The following LASP1 variants were observed in gnomAD, a reference collection of about 807,000 sequenced individuals.
LASP1 encodes LIM and SH3 protein 1, also known as LIM and SH3 domain protein 1.
In LASP1, 10 loss-of-function variants were observed where a neutral mutation model predicts 38.6. The ratio of observed to expected loss-of-function variants is 0.26; its 90% CI spans 0.16 to 0.44. The LOEUF (loss-of-function observed/expected upper bound fraction) is 0.44. Ranked by LOEUF, LASP1 falls within the 20% of genes least tolerant of loss-of-function variation. The pLI is 1.00. For synonymous variants in LASP1, 132 were observed against 140.8 expected (o/e 0.94, Z 0.44); for missense variants, 243 against 375.7 (o/e 0.65, Z 2.92).
At position 38,918,457 on chromosome 17, in the gene LASP1, AGAATCTTT is replaced by A; in HGVS notation, c.613-146_613-139del. On this transcript the variant is annotated intron_variant, in intron 6 of 6. Coordinates refer to ENST00000318008, the MANE Select transcript of LASP1 (RefSeq NM_006148.4). The surrounding 1 kb of genome is among the most constrained non-coding windows in gnomAD (Gnocchi z 4.4). The stretch of plus-strand genomic sequence containing the variant: ...CTCAGAAAGCAAGACACAGAGGTTA[AGAATCTTT>A]GCAGCAGAGCCTGGTGCTCCATTTC... 2.5e-6 allele frequency: 2 copies of A among 803,140 alleles called. No individual in the cohort carries two copies. The highest frequency in any genetic ancestry group is 3.4e-5 in the South Asian group (2 of 58,304). 49.8% of individuals were successfully genotyped at this position (803,140 alleles called of 1,614,324 possible). A position where few individuals can be genotyped will look rare whatever the true frequency, so the allele number is the denominator to read the frequency against.
chr17:38,890,599 T>C, intron 3 of LASP1, 95 bp downstream of exon 3: 2 of 1,120,310 alleles, frequency 1.8e-6, no homozygotes, highest in Non-Finnish European at 2.7e-6. Flanking sequence ...TCCCCTGCGG[T>C]TACTCTGCAA....
chr17:38,901,035 C>T (rs947661762), intron 4 of LASP1, among the ~76,000 whole-genome samples: 8 of 152,192 alleles, frequency 5.3e-5, no homozygotes, highest in South Asian at 2.1e-4. Context: ...ACTGGAATGT[C>T]GGCTCTTCAG....
chr17:38,890,721 G>C (rs1036410983), intron 3 of LASP1, among the ~76,000 whole-genome samples: 1 of 152,140 alleles, frequency 6.6e-6, no homozygotes, highest in African/African-American at 2.4e-5. Flanking sequence ...GGGTTGGAGA[G>C]GTGTGGGTGT....
chr17:38,900,470 C>T (rs943777980), intron 4 of LASP1, among the ~76,000 whole-genome samples: 10 of 151,296 alleles, frequency 6.6e-5, no homozygotes, highest in Admixed American at 2.0e-4. Flanking sequence ...GTCAAGAGAT[C>T]GAGACCATCC....
intron 2 of LASP1, among the ~76,000 whole-genome samples, chr17:38,887,516 C>T (rs1450843869): frequency 2.0e-5 from 3 of 152,224 alleles, no homozygotes; most frequent in African/African-American, 7.2e-5. Flanking sequence ...GCCACGTATT[C>T]ATCACAGGCC....
chr17:38,882,767 C>T (rs1449740281), intron 2 of LASP1, among the ~76,000 whole-genome samples: 1 of 152,194 alleles, frequency 6.6e-6, no homozygotes, highest in Non-Finnish European at 1.5e-5. Flanking sequence ...TAGGGCCCTA[C>T]TGACAGGAGG....
At chr17:38,878,037 T>C (rs544827818) in intron 1 of LASP1, 49 bp from the exon 2 acceptor site, 2 of 1,450,326 alleles carry the variant, frequency 1.4e-6, no homozygotes, top group African/African-American at 2.8e-5. Context: ...TGAGCCCCTT[T>C]TTCAGAAGTC....
chr17:38,906,885 A>G (rs1461290359), intron 4 of LASP1, among the ~76,000 whole-genome samples: 1 of 152,174 alleles, frequency 6.6e-6, no homozygotes, highest in Non-Finnish European at 1.5e-5. Flanking sequence ...TCATGGGCAC[A>G]GGTAGAGTGT....
chr17:38,896,924 C>A (rs1914506197), intron 3 of LASP1: 2 of 985,268 alleles, frequency 2.0e-6, no homozygotes, highest in Non-Finnish European at 2.4e-6. Context: ...AGGCCAGGGG[C>A]TTGAGATGCA....
intron 3 of LASP1, among the ~76,000 whole-genome samples, chr17:38,895,591 C>T (rs1158709289): frequency 6.6e-6 from 1 of 152,168 alleles, no homozygotes; most frequent in African/African-American, 2.4e-5. Context: ...GGTGGGATTA[C>T]AGGCGTGAGC....
chr17:38,901,019 C>T (rs992048789), intron 4 of LASP1, among the ~76,000 whole-genome samples: 1 of 152,242 alleles, frequency 6.6e-6, no homozygotes, highest in Non-Finnish European at 1.5e-5. Flanking sequence ...CGGAATGGTT[C>T]ACAGAACTGG....
At chr17:38,900,365 G>A (rs1384540866) in intron 4 of LASP1, among the ~76,000 whole-genome samples, 2 of 98,628 alleles carry the variant, frequency 2.0e-5, no homozygotes, top group African/African-American at 6.9e-5. Context: ...GGGAAACCGA[G>A]TGAGACCCTG....
At chr17:38,909,761 T>TCA (rs1914879181) in intron 4 of LASP1, among the ~76,000 whole-genome samples, 7 of 152,042 alleles carry the variant, frequency 4.6e-5, no homozygotes, top group South Asian at 2.1e-4. Flanking sequence ...ATTCATTCAT[T>TCA]TGTTTTGAGA....
At chr17:38,874,505 T>C (rs1913702734) in intron 1 of LASP1, among the ~76,000 whole-genome samples, 1 of 152,228 alleles carries the variant, frequency 6.6e-6, no homozygotes, top group Admixed American at 6.5e-5. Context: ...TGGAAGGAGC[T>C]GGTGGGTTTT....
rs1251058515 is a variant in LASP1 at position 38,919,545 on chromosome 17, G to A, written c.*767G>A. The A allele has an allele frequency of 8.1e-5, 20 of 246,434 alleles. No individual in the cohort carries two copies. Among genetic ancestry groups the A allele is most frequent in the African/African-American group, 3.9e-4 (18 of 45,752 alleles). 15.3% of individuals were successfully genotyped at this position (246,434 alleles called of 1,614,324 possible). A position where few individuals can be genotyped will look rare whatever the true frequency, so the allele number is the denominator to read the frequency against. The stretch of plus-strand genomic sequence containing the variant: ...GGAGGGGAACAAGGAGTTCTCTTCC[G>A]CAGCCCCTTTCCCCACGCCCACCCC... On this transcript the variant is annotated 3_prime_UTR_variant, in exon 7 of 7. Transcript: ENST00000318008.
chr17:38,910,459 T>C lies in LASP1; in HGVS notation c.358-3866T>C, dbSNP rs372835740. ...CCTCTTTTGGTTCTTCTTCCCCCCC[T>C]CCACCGCCCCCTGCCAAGCATTAAA... On this transcript the variant is annotated intron_variant, in intron 4 of 6. Transcript: ENST00000318008. Among the ~76,000 whole-genome samples the C allele has an allele frequency of 2.2e-3, 325 of 149,082 alleles. 2 individuals carry two copies. The highest frequency in any genetic ancestry group is 7.6e-3 in the African/African-American group (310 of 40,626).
In LASP1 at chr17:38,921,763, C is replaced by G. The variant is rs915095991; in HGVS notation, c.*2985C>G. Reference sequence around the variant, plus strand: ...GACTCAAATAAAAGTATAATTTTTACCTGCGGACTTGGTTTCCTCTCTGGC... The same window carrying G: ...GACTCAAATAAAAGTATAATTTTTAGCTGCGGACTTGGTTTCCTCTCTGGC... On this transcript the variant is annotated 3_prime_UTR_variant, in exon 7 of 7. Transcript: ENST00000318008. 9.2e-6 allele frequency: 2 copies of G among 217,706 alleles called. No individual in the cohort carries two copies. The highest frequency in any genetic ancestry group is 4.5e-5 in the African/African-American group (2 of 44,452). 13.5% of individuals were successfully genotyped at this position (217,706 alleles called of 1,614,324 possible).
At chr17:38,871,162 T>G (rs1008702845) in intron 1 of LASP1, among the ~76,000 whole-genome samples, 6 of 145,702 alleles carry the variant, frequency 4.1e-5, no homozygotes, top group Admixed American at 1.4e-4. Context: ...GAGGGGAGGG[T>G]GGCCTTGTGG....
chr17:38,896,369 G>A (rs940787056), intron 3 of LASP1, among the ~76,000 whole-genome samples: 5 of 152,174 alleles, frequency 3.3e-5, no homozygotes, highest in Admixed American at 3.3e-4. Context: ...ACACAGCAAG[G>A]TGGTGCTGAT....
Sources: allele counts gnomAD v4.1 joint callset (sites outside exome capture counted in the v4.1 genomes callset), GRCh38; gene constraint gnomAD v4.1.1; non-coding constraint Gnocchi (gnomAD v3.1); transcripts MANE v1.5; gene names NCBI Gene and HGNC (gene_info 2026-07-23, HGNC 2026-07-21).